LYST: variants seen among roughly 807,000 people sequenced by gnomAD.
LYST encodes lysosomal trafficking regulator, also known as lysosomal-trafficking regulator.
A neutral mutation model predicts 413.6 loss-of-function variants in LYST; 192 were observed. The ratio of observed to expected loss-of-function variants is 0.46; its 90% CI spans 0.41 to 0.52. The LOEUF (loss-of-function observed/expected upper bound fraction) is 0.52, where lower values mean the gene tolerates loss of function less well. Among genes scored for constraint, LYST ranks in the 20% least tolerant of loss-of-function variants. LYST has a pLI of 0.00. For synonymous variants in LYST, 1,525 were observed against 1,567.3 expected (o/e 0.97, Z 0.64); for missense variants, 3,815 against 4,499.9 (o/e 0.85, Z 4.35).
chr1:235,685,446 T>C (rs1660139229), intron 48 of LYST, among the ~76,000 whole-genome samples: 1 of 152,192 alleles, frequency 6.6e-6, no homozygotes, highest in Non-Finnish European at 1.5e-5. Flanking sequence ...ACCATTTTAA[T>C]GGCTCCTTAG....
At chr1:235,874,389 G>A (rs1681054097) in intron 1 of LYST, among the ~76,000 whole-genome samples, 2 of 152,196 alleles carry the variant, frequency 1.3e-5, no homozygotes, top group African/African-American at 4.8e-5. Flanking sequence ...TATAGTCGAG[G>A]GAGATGAAGG....
intron 48 of LYST, among the ~76,000 whole-genome samples, chr1:235,684,950 T>C (rs1397957585): frequency 6.6e-6 from 1 of 152,112 alleles, no homozygotes; most frequent in East Asian, 1.9e-4. Flanking sequence ...GCATTCTTTT[T>C]ATCATGGCAT....
chr1:235,703,711 A>G (rs1166840445), intron 44 of LYST, among the ~76,000 whole-genome samples: 1 of 151,986 alleles, frequency 6.6e-6, no homozygotes, highest in Non-Finnish European at 1.5e-5. Flanking sequence ...GTCATCTTCA[A>G]CTCCATTCTC....
At chr1:235,696,937 T>C (rs1661154679) in intron 46 of LYST, 146 bp downstream of exon 46, 4 of 733,826 alleles carry the variant, frequency 5.5e-6, no homozygotes, top group Non-Finnish European at 9.6e-6. Flanking sequence ...ATGTAGCATG[T>C]TTTCATTCCT....
intron 4 of LYST, among the ~76,000 whole-genome samples, chr1:235,811,084 G>A (rs1464423815): frequency 1.3e-5 from 2 of 152,238 alleles, no homozygotes; most frequent in Non-Finnish European, 2.9e-5. Context: ...GGCAGAGGTT[G>A]CAGTGAGATG....
At position 235,805,862 on chromosome 1, in the gene LYST, T is replaced by C. The variant is rs1377930267; in HGVS notation, c.3274A>G (p.Thr1092Ala). 2 of 1,613,764 alleles carry C rather than the reference T, an allele frequency of 1.2e-6. No individual in the cohort carries two copies. Among genetic ancestry groups the C allele is most frequent in the African/African-American group, 2.7e-5 (2 of 74,890 alleles). The change falls in exon 6 of 53, where the codon ACA (threonine) becomes GCA (alanine). Residue 1092 changes from threonine to alanine, a missense_variant. Physicochemically the swap from Thr to Ala is moderately conservative, Grantham distance 58. Coordinates refer to ENST00000389793, the MANE Select transcript of LYST (RefSeq NM_000081.4). ...AGTGAGGTCTCACTTTCTTGACTTG[T>C]AAATAGCTTTGCTTCCTCGGGAGCG... ...EAAPEEAKLF[T>A]SQESETSLQS...
chr1:235,767,099 CA>C (rs1417588316), intron 20 of LYST, among the ~76,000 whole-genome samples: 1 of 152,006 alleles, frequency 6.6e-6, no homozygotes, highest in Admixed American at 6.6e-5. Flanking sequence ...TGAGGCTTGG[CA>C]AAATGCCAAC....
intron 31 of LYST, chr1:235,737,916 A>AAATTGTGC: frequency 2.1e-5 from 25 of 1,163,404 alleles, no homozygotes; most frequent in South Asian, 1.9e-4. Context: ...GCTGCCGACG[A>AAATTGTGC]GTCTGGATCT....
chr1:235,737,949 C>G, intron 31 of LYST: 2 of 1,251,376 alleles, frequency 1.6e-6, no homozygotes, highest in Non-Finnish European at 1.0e-6. Flanking sequence ...CCCCAACACC[C>G]GCCGGACGTG....
intron 28 of LYST, among the ~76,000 whole-genome samples, chr1:235,748,149 T>A (rs1666107397): frequency 6.6e-6 from 1 of 152,222 alleles, no homozygotes; most frequent in Non-Finnish European, 1.5e-5. Flanking sequence ...GTTAGTATTA[T>A]TATTGGCTGA....
Position 235,809,376 on chromosome 1 carries a change from C to T in LYST, c.1442G>A (p.Ser481Asn), listed in dbSNP as rs749037787. The change falls in exon 5 of 53, where the codon AGC (serine) becomes AAC (asparagine). Residue 481 changes from serine (S) to asparagine (N), a missense_variant. Around this residue, in one of 4 missense-constraint regions of LYST, gnomAD observed 1,648 missense variants for 1,810.3 expected, o/e 0.91. Coordinates refer to ENST00000389793, the MANE Select transcript of LYST (RefSeq NM_000081.4). This position sits in a 1 kb window ranked among gnomAD's most constrained non-coding sequence, Gnocchi z 4.0. The stretch of plus-strand genomic sequence containing the variant: ...CTCTGATTTCACTTTTTTGACAGTG[C>T]TCATTATTTTCATCACACTATTTAT... ...ALINSVMKIM[S>N]TVKKVKSEQL... 5 of 1,613,842 alleles carry T rather than the reference C, an allele frequency of 3.1e-6. No individual in the cohort carries two copies. In the South Asian group the frequency reaches 3.3e-5, roughly 11 times the overall value.
chr1:235,692,265 G>A (rs1273884589), intron 47 of LYST, among the ~76,000 whole-genome samples: 13 of 151,720 alleles, frequency 8.6e-5, no homozygotes, highest in African/African-American at 2.4e-4. Flanking sequence ...TCCGGGAGGC[G>A]GAGGTTGCAG....
intron 31 of LYST, 96 bp from the exon 32 acceptor site, chr1:235,734,755 G>A (rs1664672868): frequency 3.7e-6 from 3 of 801,160 alleles, no homozygotes; most frequent in South Asian, 1.8e-5. Context: ...AGATTTATTT[G>A]GTTGCATCTG....
chr1:235,733,976 A>C, intron 32 of LYST, 70 bp from the exon 33 acceptor site: 1 of 770,274 alleles, frequency 1.3e-6, no homozygotes. Flanking sequence ...CACAGAGCCC[A>C]ACAAACTAAT....
intron 47 of LYST, among the ~76,000 whole-genome samples, chr1:235,690,466 A>G (rs1428874277): frequency 2.6e-5 from 4 of 152,194 alleles, no homozygotes; most frequent in African/African-American, 9.6e-5. Flanking sequence ...ATATATTTCT[A>G]TCTGCATACA....
intron 48 of LYST, among the ~76,000 whole-genome samples, chr1:235,683,635 A>C (rs1211280710): frequency 4.6e-5 from 7 of 152,220 alleles, no homozygotes; most frequent in Non-Finnish European, 8.8e-5. Flanking sequence ...ATCCCCTTGA[A>C]AGTATTTTCA....
chr1:235,690,227 TTG>T (rs1248550579), intron 47 of LYST, among the ~76,000 whole-genome samples: 2 of 152,220 alleles, frequency 1.3e-5, no homozygotes, highest in African/African-American at 4.8e-5. Flanking sequence ...GCTCATAAAT[TTG>T]TGTCAGTGTA....
intron 3 of LYST, among the ~76,000 whole-genome samples, chr1:235,819,631 A>G (rs1674537266): frequency 6.6e-6 from 1 of 151,464 alleles, no homozygotes; most frequent in African/African-American, 2.4e-5. Flanking sequence ...ATAACATACC[A>G]CTCTTATTTA....
chr1:235,752,961 T>C (rs978635939), intron 26 of LYST, 83 bp downstream of exon 26: 1 of 744,660 alleles, frequency 1.3e-6, no homozygotes, highest in African/African-American at 1.8e-5. Flanking sequence ...GGTAAACTCA[T>C]GTAGTAAAGT....
Sources: gnomAD v4.1 joint callset for allele counts (sites outside exome capture counted in the v4.1 genomes callset) on GRCh38, gnomAD v4.1.1 for gene constraint, gnomAD v4.1.1 regional missense constraint, Gnocchi (gnomAD v3.1) non-coding constraint, MANE v1.5 for transcripts, NCBI Gene and HGNC (gene_info 2026-07-23, HGNC 2026-07-21) for gene names.